The following AMPH variants were observed in gnomAD, a reference collection of about 807,000 sequenced individuals.
AMPH encodes the protein amphiphysin (Stiff-Mann syndrome with breast cancer 128kD autoantigen).
Under a neutral mutation model 99.1 loss-of-function variants are expected in AMPH, and 49 were observed. That is an observed-to-expected ratio of 0.49 (90% CI 0.39 to 0.63). The LOEUF (loss-of-function observed/expected upper bound fraction) is 0.63, where lower values mean the gene tolerates loss of function less well. AMPH is among the 20% of genes least tolerant of loss of function. The pLI, the probability that AMPH is intolerant of heterozygous loss-of-function variation, is 0.00. For synonymous variants in AMPH, 314 were observed against 317.3 expected (o/e 0.99, Z 0.11); for missense variants, 759 against 863.4 (o/e 0.88, Z 1.52).
intron 1 of AMPH, among the ~76,000 whole-genome samples, chr7:38,601,766 T>C (rs17171412): frequency 0.12 from 18,185 of 152,164 alleles, 1,375 homozygotes; most frequent in African/African-American, 0.21. Context: ...GCTCTCTGAG[T>C]GTCTGTTTTC....
At chr7:38,429,714 C>T (rs550260808) in intron 14 of AMPH, 128 bp downstream of exon 14, 1 of 1,302,402 alleles carries the variant, frequency 7.7e-7, no homozygotes, top group African/African-American at 1.5e-5. Flanking sequence ...TGATTACATT[C>T]ATTGGCTTAA....
intron 4 of AMPH, among the ~76,000 whole-genome samples, chr7:38,492,569 C>G (rs1246069532): frequency 6.6e-6 from 1 of 152,226 alleles, no homozygotes; most frequent in Non-Finnish European, 1.5e-5. Context: ...TCAAGAATTT[C>G]ATGCAAACCA....
intron 2 of AMPH, among the ~76,000 whole-genome samples, chr7:38,519,511 T>G (rs1349859068): frequency 6.6e-6 from 1 of 152,204 alleles, no homozygotes; most frequent in East Asian, 1.9e-4. Context: ...TTAAAAATAT[T>G]TTAAAATTGT....
chr7:38,617,654 C>G (rs993130034), intron 1 of AMPH, among the ~76,000 whole-genome samples: 42 of 152,200 alleles, frequency 2.8e-4, no homozygotes, highest in African/African-American at 9.4e-4. Flanking sequence ...CCTTCCTGCT[C>G]TTCAAGTTTT....
chr7:38,550,004 G>T (rs4720290), intron 1 of AMPH, among the ~76,000 whole-genome samples: 101,822 of 152,164 alleles, frequency 0.67, 34,385 homozygotes, highest in East Asian at 0.88. Context: ...TTTTATTAGT[G>T]AGAACATTGA....
intron 1 of AMPH, among the ~76,000 whole-genome samples, chr7:38,609,108 A>G (rs918554974): frequency 2.6e-5 from 4 of 152,186 alleles, no homozygotes; most frequent in Non-Finnish European, 5.9e-5. Flanking sequence ...TCATTTGATC[A>G]CAAGGCGGAG....
At chr7:38,499,807 T>G (rs1384128838) in intron 3 of AMPH, among the ~76,000 whole-genome samples, 3 of 152,186 alleles carry the variant, frequency 2.0e-5, no homozygotes, top group African/African-American at 7.2e-5. Context: ...GGGAAGTAAC[T>G]GATCATGCGG....
At chr7:38,402,661 T>C (rs1784874149) in intron 17 of AMPH, among the ~76,000 whole-genome samples, 1 of 152,214 alleles carries the variant, frequency 6.6e-6, no homozygotes, top group African/African-American at 2.4e-5. Context: ...ATGGCCTGGA[T>C]GCTTCAGAAA....
chr7:38,520,159 G>T (rs1169139151), intron 2 of AMPH, among the ~76,000 whole-genome samples: 1 of 151,950 alleles, frequency 6.6e-6, no homozygotes, highest in Non-Finnish European at 1.5e-5. Context: ...AAAACATTCT[G>T]TTGGAATTAT....
At chr7:38,455,865 T>C (rs1009828343) in intron 11 of AMPH, among the ~76,000 whole-genome samples, 2 of 152,242 alleles carry the variant, frequency 1.3e-5, no homozygotes, top group East Asian at 1.9e-4. Context: ...ATACTGCCAC[T>C]GTCATGGCCA....
At chr7:38,438,984 G>A (rs1786397814) in intron 11 of AMPH, among the ~76,000 whole-genome samples, 1 of 152,166 alleles carries the variant, frequency 6.6e-6, no homozygotes, top group Non-Finnish European at 1.5e-5. Context: ...TTTGGTCAAG[G>A]GAGGAACCTG....
intron 11 of AMPH, among the ~76,000 whole-genome samples, chr7:38,460,592 G>T (rs1056899407): frequency 6.6e-6 from 1 of 152,132 alleles, no homozygotes; most frequent in African/African-American, 2.4e-5. Flanking sequence ...AGTGAAATAA[G>T]CCAGGCACAG....
chr7:38,419,442 A>G (rs143472291), intron 16 of AMPH, among the ~76,000 whole-genome samples: 426 of 152,234 alleles, frequency 2.8e-3, no homozygotes, highest in African/African-American at 9.7e-3. Context: ...CAGACATTTG[A>G]TTTTTATGGG....
intron 10 of AMPH, 104 bp downstream of exon 10, chr7:38,462,871 C>T (rs1393082115): frequency 1.5e-6 from 2 of 1,290,996 alleles, no homozygotes; most frequent in Non-Finnish European, 1.0e-6. Flanking sequence ...GTCTCCCTAA[C>T]TGGAAACTTC....
chr7:38,429,291 G>C (rs755282089), intron 14 of AMPH: 1 of 1,286,640 alleles, frequency 7.8e-7, no homozygotes, highest in South Asian at 1.2e-5. Flanking sequence ...ACCTGGAAAG[G>C]CTGGCCCCGG....
chr7:38,452,260 T>C (rs1054429763), intron 11 of AMPH, among the ~76,000 whole-genome samples: 3 of 152,224 alleles, frequency 2.0e-5, no homozygotes, highest in Non-Finnish European at 4.4e-5. Context: ...TAAATGTAAA[T>C]GACTCATTTA....
intron 15 of AMPH, among the ~76,000 whole-genome samples, chr7:38,425,068 T>C (rs1785734057): frequency 6.6e-6 from 1 of 152,220 alleles, no homozygotes. Context: ...TTCAGATGTG[T>C]AACGTCACAA....
chr7:38,391,725 T>C, intron 19 of AMPH, 23 bp downstream of exon 19: 1 of 1,603,764 alleles, frequency 6.2e-7, no homozygotes, highest in East Asian at 2.2e-5. Context: ...AAAGGATAAA[T>C]GAGACTTAAA....
At chr7:38,607,290 A>C (rs1011721271) in intron 1 of AMPH, among the ~76,000 whole-genome samples, 1 of 152,232 alleles carries the variant, frequency 6.6e-6, no homozygotes, top group African/African-American at 2.4e-5. Context: ...TCCACCCAAT[A>C]TGAAAGCAAC....
Sources: gnomAD v4.1 joint callset for allele counts (sites outside exome capture counted in the v4.1 genomes callset) on GRCh38, gnomAD v4.1.1 for gene constraint, MANE v1.5 for transcripts, NCBI Gene and HGNC (gene_info 2026-07-23, HGNC 2026-07-21) for gene names.